Variants in SHROOM3 observed in about 807,000 individuals in gnomAD.
SHROOM3 encodes the protein shroom family member 3.
SHROOM3 carries 47 observed loss-of-function variants against 138.6 expected under a neutral mutation model. That is an observed-to-expected ratio of 0.34 (90% CI 0.27 to 0.43). The LOEUF (loss-of-function observed/expected upper bound fraction) is 0.43. Ranked by LOEUF, SHROOM3 falls within the 20% of genes least tolerant of loss-of-function variation. The probability of loss-of-function intolerance (pLI) is 1.00; values close to 1 mark genes in which losing one functional copy is unlikely to be tolerated. For missense variants in SHROOM3, 2,491 were observed against 2,596.5 expected (o/e 0.96, Z 0.88); for synonymous variants, 1,062 against 1,063.3 (o/e 1.00, Z 0.02).
At chr4:76,751,109 G>T (rs1721609125) in intron 6 of SHROOM3, among the ~76,000 whole-genome samples, 2 of 152,294 alleles carry the variant, frequency 1.3e-5, no homozygotes, top group South Asian at 4.1e-4. Context: ...TCTGCTTGCA[G>T]TATATTTTTC....
intron 1 of SHROOM3, among the ~76,000 whole-genome samples, chr4:76,446,965 A>G (rs1448234931): frequency 6.6e-6 from 1 of 152,146 alleles, no homozygotes; most frequent in African/African-American, 2.4e-5. Context: ...GGTCACTAGC[A>G]TTCACTTTCC....
At chr4:76,772,723 G>T (rs1395944194) in intron 10 of SHROOM3, among the ~76,000 whole-genome samples, 1 of 152,196 alleles carries the variant, frequency 6.6e-6, no homozygotes, top group African/African-American at 2.4e-5. Context: ...ATGAGGTGCT[G>T]TGTCTGCTGG....
chr4:76,511,676 T>C (rs1248413223), intron 1 of SHROOM3, among the ~76,000 whole-genome samples: 3 of 152,244 alleles, frequency 2.0e-5, no homozygotes, highest in African/African-American at 7.2e-5. Flanking sequence ...GGCTTGGTAG[T>C]GCTCTCTCAG....
At chr4:76,595,528 A>T (rs766767933) in intron 2 of SHROOM3, among the ~76,000 whole-genome samples, 30 of 152,194 alleles carry the variant, frequency 2.0e-4, no homozygotes, top group Non-Finnish European at 2.6e-4. Context: ...CAAGGGAAGG[A>T]GTTCTAGTTT....
chr4:76,750,889 C>T (rs574944879), intron 6 of SHROOM3, among the ~76,000 whole-genome samples: 4 of 151,832 alleles, frequency 2.6e-5, no homozygotes, highest in African/African-American at 9.7e-5. Flanking sequence ...CACTGAATAA[C>T]TGAAATGCTT....
At chr4:76,721,923 G>C (rs1720563499) in intron 3 of SHROOM3, among the ~76,000 whole-genome samples, 1 of 152,258 alleles carries the variant, frequency 6.6e-6, no homozygotes, top group South Asian at 2.1e-4. Flanking sequence ...TATAAATTTT[G>C]ATGATGCATA....
At chr4:76,728,065 A>G (rs1354509001) in intron 3 of SHROOM3, among the ~76,000 whole-genome samples, 1 of 151,752 alleles carries the variant, frequency 6.6e-6, no homozygotes, top group Non-Finnish European at 1.5e-5. Context: ...CCAGCCTCCT[A>G]CTCAGGATGC....
At chr4:76,503,167 C>CCATACACACACA (rs1732135550) in intron 1 of SHROOM3, among the ~76,000 whole-genome samples, 1 of 145,832 alleles carries the variant, frequency 6.9e-6, no homozygotes, top group Non-Finnish European at 1.5e-5. Context: ...TTGTCAACTT[C>CCATACACACACA]CACACACACA....
intron 2 of SHROOM3, among the ~76,000 whole-genome samples, chr4:76,577,330 A>T (rs62300914): frequency 0.019 from 2,958 of 152,320 alleles, 42 homozygotes; most frequent in Admixed American, 0.03. Context: ...GTGCTGGGGA[A>T]GGTCTGATTG....
intron 1 of SHROOM3, among the ~76,000 whole-genome samples, chr4:76,502,597 C>T (rs964610169): frequency 1.3e-5 from 2 of 152,140 alleles, no homozygotes; most frequent in Admixed American, 6.6e-5. Context: ...AACCCCCCAC[C>T]CTCTGGCATC....
intron 1 of SHROOM3, among the ~76,000 whole-genome samples, chr4:76,528,653 A>G (rs1271265796): frequency 6.7e-6 from 1 of 150,350 alleles, no homozygotes; most frequent in Admixed American, 6.7e-5. Context: ...CCCGGGTTCA[A>G]GCGATTCTCC....
chr4:76,490,025 A>G (rs1731817396), intron 1 of SHROOM3, among the ~76,000 whole-genome samples: 1 of 152,190 alleles, frequency 6.6e-6, no homozygotes, highest in African/African-American at 2.4e-5. Context: ...AATACTCCCT[A>G]GAAGTTTCCC....
chr4:76,484,536 A>G (rs1340951858), intron 1 of SHROOM3, among the ~76,000 whole-genome samples: 1 of 152,066 alleles, frequency 6.6e-6, no homozygotes, highest in African/African-American at 2.4e-5. Flanking sequence ...TCACCACTGC[A>G]CTCTAGCCTG....
intron 1 of SHROOM3, among the ~76,000 whole-genome samples, chr4:76,471,634 C>T (rs561043043): frequency 1.3e-5 from 2 of 152,250 alleles, no homozygotes; most frequent in South Asian, 4.1e-4. Context: ...GGGAGGGAGT[C>T]CTACCACCCA....
chr4:76,441,086 G>T (rs199909283), intron 1 of SHROOM3, among the ~76,000 whole-genome samples: 562 of 81,980 alleles, frequency 6.9e-3, no homozygotes, highest in South Asian at 0.014. Flanking sequence ...AGTTCAATTT[G>T]TTTTTTTTTT....
At chr4:76,443,781 C>A (rs1730747193) in intron 1 of SHROOM3, among the ~76,000 whole-genome samples, 1 of 152,178 alleles carries the variant, frequency 6.6e-6, no homozygotes, top group South Asian at 2.1e-4. Flanking sequence ...AGGAAGCTTT[C>A]CTGATTTGGC....
At chr4:76,580,970 T>A (rs1235816390) in intron 2 of SHROOM3, among the ~76,000 whole-genome samples, 1 of 152,216 alleles carries the variant, frequency 6.6e-6, no homozygotes, top group Non-Finnish European at 1.5e-5. Flanking sequence ...TTAGGGTACA[T>A]GTGCACAACG....
chr4:76,622,868 A>G, intron 2 of SHROOM3, among the ~76,000 whole-genome samples: 1 of 152,180 alleles, frequency 6.6e-6, no homozygotes, highest in East Asian at 1.9e-4. Context: ...TAAGTGTAAA[A>G]GCTACTGAAG....
chr4:76,665,446 C>T (rs1718665116), intron 2 of SHROOM3, among the ~76,000 whole-genome samples: 1 of 152,196 alleles, frequency 6.6e-6, no homozygotes, highest in Non-Finnish European at 1.5e-5. Flanking sequence ...CTTGGACTGT[C>T]AGAAGAACCA....
Sources: allele counts gnomAD v4.1 joint callset (sites outside exome capture counted in the v4.1 genomes callset), GRCh38; gene constraint gnomAD v4.1.1; transcripts MANE v1.5; gene names NCBI Gene and HGNC (gene_info 2026-07-23, HGNC 2026-07-21).